NRG3: variants seen among roughly 807,000 people sequenced by gnomAD.
NRG3 encodes the protein neuregulin 3.
In NRG3, 31 loss-of-function variants were observed where a neutral mutation model predicts 66.9. That is an observed-to-expected ratio of 0.46 (90% confidence interval 0.35 to 0.63). NRG3 has a LOEUF of 0.63. Among genes scored for constraint, NRG3 ranks in the 20% least tolerant of loss-of-function variants. NRG3 has a pLI of 0.00. For synonymous variants in NRG3, 393 were observed against 359.4 expected (o/e 1.09, Z -1.06); for missense variants, 910 against 878.9 (o/e 1.04, Z -0.45).
intron 4 of NRG3, among the ~76,000 whole-genome samples, chr10:82,944,643 G>A (rs12763666): frequency 0.38 from 58,489 of 151,994 alleles, 12,067 homozygotes; most frequent in Middle Eastern, 0.49. Flanking sequence ...AGCCTGCTGG[G>A]GCACATGATT....
intron 1 of NRG3, among the ~76,000 whole-genome samples, chr10:82,330,260 A>C (rs1214916324): frequency 6.6e-6 from 1 of 152,232 alleles, no homozygotes; most frequent in Non-Finnish European, 1.5e-5. Context: ...GAGGAAAGTC[A>C]TGAAAAATTA....
At chr10:82,932,960 C>T (rs950593128) in intron 4 of NRG3, among the ~76,000 whole-genome samples, 3 of 152,138 alleles carry the variant, frequency 2.0e-5, no homozygotes, top group African/African-American at 7.2e-5. Context: ...GTTCTTCACT[C>T]GCCTTTCTTC....
intron 2 of NRG3, among the ~76,000 whole-genome samples, chr10:82,663,638 A>G (rs528833958): frequency 4.2e-4 from 64 of 152,324 alleles, no homozygotes; most frequent in African/African-American, 1.5e-3. Context: ...AATAATGTCA[A>G]TAGCTCATCA....
chr10:82,417,667 G>A (rs1375384900), intron 2 of NRG3, among the ~76,000 whole-genome samples: 1 of 152,180 alleles, frequency 6.6e-6, no homozygotes, highest in East Asian at 1.9e-4. Context: ...GCACGGGGCG[G>A]TGAAGTAACT....
intron 3 of NRG3, among the ~76,000 whole-genome samples, chr10:82,783,709 G>T (rs530064196): frequency 9.6e-4 from 146 of 152,210 alleles, no homozygotes; most frequent in African/African-American, 3.3e-3. Flanking sequence ...AGTAAAAGAG[G>T]ATACAAACAA....
chr10:82,272,538 ATG>A (rs1250553326), intron 1 of NRG3, among the ~76,000 whole-genome samples: 5 of 152,082 alleles, frequency 3.3e-5, no homozygotes, highest in African/African-American at 1.2e-4. Context: ...GTGGCTATTT[ATG>A]TAGATGAAGT....
At chr10:81,961,613 C>A (rs113171444) in intron 1 of NRG3, among the ~76,000 whole-genome samples, 2,448 of 152,264 alleles carry the variant, frequency 0.016, 29 homozygotes, top group Middle Eastern at 0.034. Context: ...AACACTTTTC[C>A]CATCCTGTGC....
rs372472574 is a variant in NRG3, at chr10:82,238,919, T to TATATATATATATATATATATATACAC, written c.824-119811_824-119810insTATATATATATATACACATATATATA. On this transcript the variant is annotated intron_variant, in intron 1 of 8. Coordinates refer to ENST00000372141, the MANE Select transcript of NRG3 (RefSeq NM_001010848.4). Reference sequence around the variant, plus strand: ...TTATTTTTAGGTTATACCGTATATATATATATATAATATTTATATAATATA... The same window carrying TATATATATATATATATATATATACAC: ...TTATTTTTAGGTTATACCGTATATATATATATATATATATATATATATACACATATATATAATATTTATATAATATA... Among the ~76,000 whole-genome samples the TATATATATATATATATATATATACAC allele has an allele frequency of 7.0e-5, 10 of 142,140 alleles. No individual in the cohort carries two copies. In the East Asian group the frequency reaches 1.6e-3, roughly 23 times the overall value. 93.2% of individuals were successfully genotyped at this position (142,140 alleles called of 152,430 possible).
chr10:82,269,171 A>G (rs1045535689), intron 1 of NRG3, among the ~76,000 whole-genome samples: 1 of 152,028 alleles, frequency 6.6e-6, no homozygotes, highest in African/African-American at 2.4e-5. Context: ...TCACTATTTT[A>G]TCCACTCTTT....
chr10:82,862,881 T>C (rs927190879), intron 3 of NRG3, among the ~76,000 whole-genome samples: 2 of 152,216 alleles, frequency 1.3e-5, no homozygotes, highest in East Asian at 1.9e-4. Flanking sequence ...CTGGGATACA[T>C]GTGCAGAACA....
In NRG3 at chr10:82,786,473, C is replaced by A. The variant is rs186440105; in HGVS notation, c.1027+47823C>A. ...TCTCTTTTAAAATGGGAATGTATAT[C>A]CTATGCCTGCCCCCCCATTGTGTTT... On this transcript the variant is annotated intron_variant, in intron 3 of 8. Transcript: ENST00000372141. Among the ~76,000 whole-genome samples, 294 of 152,086 alleles carry A rather than the reference C, an allele frequency of 1.9e-3. 1 individual carries two copies. Among genetic ancestry groups the A allele is most frequent in the African/African-American group, 5.9e-3 (244 of 41,496 alleles).
At chr10:82,665,310 C>T (rs59172366) in intron 2 of NRG3, among the ~76,000 whole-genome samples, 9,730 of 152,252 alleles carry the variant, frequency 0.064, 1,005 homozygotes, top group African/African-American at 0.22. Context: ...TGAGATACAA[C>T]ATATCACAAT....
At chr10:82,286,652 A>C (rs543750976) in intron 1 of NRG3, among the ~76,000 whole-genome samples, 7 of 152,092 alleles carry the variant, frequency 4.6e-5, no homozygotes, top group Non-Finnish European at 8.8e-5. Context: ...CAGTGGCATG[A>C]TCTCGGCTCA....
At chr10:81,893,164 C>T (rs1383164831) in intron 1 of NRG3, among the ~76,000 whole-genome samples, 2 of 152,080 alleles carry the variant, frequency 1.3e-5, no homozygotes, top group Non-Finnish European at 2.9e-5. Context: ...GAGATAATTA[C>T]TCTTCTCTTT....
intron 1 of NRG3, among the ~76,000 whole-genome samples, chr10:82,119,461 T>C (rs2067944363): frequency 6.6e-6 from 1 of 152,164 alleles, no homozygotes; most frequent in South Asian, 2.1e-4. Context: ...TACACATCAT[T>C]ACCCTTATTC....
chr10:82,636,510 T>C (rs2050207903), intron 2 of NRG3, among the ~76,000 whole-genome samples: 1 of 152,162 alleles, frequency 6.6e-6, no homozygotes, highest in African/African-American at 2.4e-5. Flanking sequence ...AGTGAGACCA[T>C]ATAATATTTT....
chr10:82,782,870 C>A (rs2135292229), intron 3 of NRG3, among the ~76,000 whole-genome samples: 1 of 152,278 alleles, frequency 6.6e-6, no homozygotes, highest in South Asian at 2.1e-4. Context: ...AGGCCAGCAT[C>A]ATCCTGATAC....
intron 2 of NRG3, among the ~76,000 whole-genome samples, chr10:82,451,120 G>A (rs867977426): frequency 1.9e-4 from 29 of 152,150 alleles, no homozygotes; most frequent in Admixed American, 6.6e-4. Context: ...TCTAGGTGCT[G>A]TAAACAATTC....
chr10:82,118,171 C>T (rs979521087), intron 1 of NRG3, among the ~76,000 whole-genome samples: 8 of 149,228 alleles, frequency 5.4e-5, no homozygotes, highest in African/African-American at 2.0e-4. Context: ...GCTCAATTGA[C>T]TGTAATAAGT....
Sources: allele counts gnomAD v4.1 joint callset (sites outside exome capture counted in the v4.1 genomes callset), GRCh38; gene constraint gnomAD v4.1.1; transcripts MANE v1.5; gene names NCBI Gene and HGNC (gene_info 2026-07-23, HGNC 2026-07-21).